The following FGF12 variants were observed in gnomAD, a reference collection of about 807,000 sequenced individuals.
FGF12 encodes fibroblast growth factor 12.
In FGF12, 14 loss-of-function variants were observed where a neutral mutation model predicts 23.6. The observed-to-expected ratio is 0.59, with a 90% CI of 0.39 to 0.93. The LOEUF (loss-of-function observed/expected upper bound fraction) is 0.93, where lower values mean the gene tolerates loss of function less well. Ranked by LOEUF, FGF12 falls within the 40% of genes least tolerant of loss-of-function variation. The pLI is 0.00. For synonymous variants in FGF12, 62 were observed against 77.3 expected (o/e 0.80, Z 1.04); for missense variants, 175 against 217.8 (o/e 0.80, Z 1.24).
chr3:192,167,753 ATATATATATATATATAAAATTTT>A (rs1560175593), intron 5 of FGF12, among the ~76,000 whole-genome samples: 3 of 27,568 alleles, frequency 1.1e-4, no homozygotes, highest in South Asian at 1.7e-3. Flanking sequence ...ATATATATAT[ATATATATATATATATAAAATTTT>A]TTTTTTTTTT....
chr3:192,459,743 C>A (rs1722797172), intron 2 of FGF12, among the ~76,000 whole-genome samples: 1 of 152,138 alleles, frequency 6.6e-6, no homozygotes, highest in Non-Finnish European at 1.5e-5. Flanking sequence ...GTGCTTTAAT[C>A]TGACTGGTTA....
intron 2 of FGF12, among the ~76,000 whole-genome samples, chr3:192,410,632 A>AG (rs1721170319): frequency 6.6e-6 from 1 of 152,212 alleles, no homozygotes; most frequent in African/African-American, 2.4e-5. Context: ...ATTTTGGAAC[A>AG]GGAAAAAGTG....
chr3:192,591,648 T>C (rs1713629906), intron 2 of FGF12, among the ~76,000 whole-genome samples: 1 of 151,850 alleles, frequency 6.6e-6, no homozygotes, highest in South Asian at 2.1e-4. Flanking sequence ...AAAAAGATAT[T>C]TAGTACCCAA....
At chr3:192,177,034 A>C (rs1715903416) in intron 4 of FGF12, among the ~76,000 whole-genome samples, 1 of 152,252 alleles carries the variant, frequency 6.6e-6, no homozygotes, top group Non-Finnish European at 1.5e-5. Flanking sequence ...TAATTATGTC[A>C]AGACATCAAA....
chr3:192,439,838 G>A (rs547260319), intron 2 of FGF12, among the ~76,000 whole-genome samples: 1 of 152,164 alleles, frequency 6.6e-6, no homozygotes, highest in Non-Finnish European at 1.5e-5. Flanking sequence ...TTAGCCGGGT[G>A]TGGTGGTGGG....
intron 2 of FGF12, among the ~76,000 whole-genome samples, chr3:192,584,363 A>G (rs775861913): frequency 2.2e-4 from 34 of 152,016 alleles, no homozygotes; most frequent in Non-Finnish European, 3.8e-4. Flanking sequence ...TAATCATGAT[A>G]ACATAATTAT....
chr3:192,605,496 G>T (rs889128222), intron 2 of FGF12, among the ~76,000 whole-genome samples: 4 of 152,044 alleles, frequency 2.6e-5, no homozygotes, highest in African/African-American at 9.7e-5. Flanking sequence ...TTGACAAGCG[G>T]AACCTAATGA....
chr3:192,434,841 ACAAGAAAGAT>A (rs1056558319), intron 2 of FGF12, among the ~76,000 whole-genome samples: 3 of 152,034 alleles, frequency 2.0e-5, no homozygotes, highest in African/African-American at 7.2e-5. Context: ...TAAAAAAAAA[ACAAGAAAGAT>A]AATCTAACTC....
intron 2 of FGF12, among the ~76,000 whole-genome samples, chr3:192,410,433 C>T (rs1286230760): frequency 6.6e-6 from 1 of 152,176 alleles, no homozygotes; most frequent in East Asian, 1.9e-4. Context: ...AGAAACACAA[C>T]CACAGTGGGA....
chr3:192,678,012 AG>A, intron 2 of FGF12, among the ~76,000 whole-genome samples: 1 of 152,368 alleles, frequency 6.6e-6, no homozygotes, highest in East Asian at 1.9e-4. Context: ...CTCTATCATA[AG>A]TAAAACATCA....
At chr3:192,612,690 G>A (rs1237941763) in intron 2 of FGF12, among the ~76,000 whole-genome samples, 2 of 151,810 alleles carry the variant, frequency 1.3e-5, no homozygotes, top group African/African-American at 2.4e-5. Context: ...CATTATTAGG[G>A]CTATATATTT....
At chr3:192,499,159 G>T (rs937776760) in intron 2 of FGF12, among the ~76,000 whole-genome samples, 1 of 151,922 alleles carries the variant, frequency 6.6e-6, no homozygotes, top group African/African-American at 2.4e-5. Flanking sequence ...TATATTTTAC[G>T]CTTTGGACGT....
chr3:192,546,132 C>A (rs1725488571), intron 2 of FGF12, among the ~76,000 whole-genome samples: 1 of 152,152 alleles, frequency 6.6e-6, no homozygotes, highest in African/African-American at 2.4e-5. Context: ...TGATTCAAAT[C>A]CTGGTTCTGT....
chr3:192,470,747 T>C (rs374050676), intron 2 of FGF12, among the ~76,000 whole-genome samples: 4 of 152,190 alleles, frequency 2.6e-5, no homozygotes, highest in African/African-American at 9.7e-5. Flanking sequence ...ACGTCAGTTA[T>C]TCCTTGGGCT....
intron 2 of FGF12, among the ~76,000 whole-genome samples, chr3:192,453,532 T>C (rs551755859): frequency 2.6e-5 from 4 of 152,294 alleles, no homozygotes; most frequent in African/African-American, 9.6e-5. Flanking sequence ...ATTCTGAGGA[T>C]CTATTTGTCT....
chr3:192,346,285 C>G (rs1348387155), intron 3 of FGF12, among the ~76,000 whole-genome samples: 1 of 152,170 alleles, frequency 6.6e-6, no homozygotes, highest in Non-Finnish European at 1.5e-5. Context: ...TCCAAATAAT[C>G]TCTTTGCTTC....
At chr3:192,305,338 T>TA (rs779657822) in intron 4 of FGF12, among the ~76,000 whole-genome samples, 40 of 150,712 alleles carry the variant, frequency 2.7e-4, no homozygotes, top group South Asian at 1.7e-3. Context: ...AAGCTAAATG[T>TA]AAAAAAAAAC....
chr3:192,461,142 A>G (rs1722850359), intron 2 of FGF12, among the ~76,000 whole-genome samples: 1 of 152,114 alleles, frequency 6.6e-6, no homozygotes, highest in South Asian at 2.1e-4. Flanking sequence ...ATCATTTAAC[A>G]ATGGGATTTT....
chr3:192,197,380 G>A (rs1251467782), intron 4 of FGF12, among the ~76,000 whole-genome samples: 2 of 152,146 alleles, frequency 1.3e-5, no homozygotes, highest in African/African-American at 2.4e-5. Context: ...GGGATAAAAC[G>A]AAGTCTGCGT....
Sources: gnomAD v4.1 joint callset for allele counts (sites outside exome capture counted in the v4.1 genomes callset) on GRCh38, gnomAD v4.1.1 for gene constraint, MANE v1.5 for transcripts, NCBI Gene and HGNC (gene_info 2026-07-23, HGNC 2026-07-21) for gene names.